The following AVL9 variants were observed in gnomAD, a reference collection of about 807,000 sequenced individuals.
AVL9 encodes late secretory pathway protein AVL9 homolog.
Under a neutral mutation model 79.2 loss-of-function variants are expected in AVL9, and 49 were observed. The observed-to-expected ratio is 0.62, with a 90% CI of 0.49 to 0.79. The LOEUF (loss-of-function observed/expected upper bound fraction) is 0.79, where lower values mean the gene tolerates loss of function less well. Ranked by LOEUF, AVL9 falls within the 30% of genes least tolerant of loss-of-function variation. The pLI is 0.00. For synonymous variants in AVL9, 299 were observed against 280.6 expected (o/e 1.07, Z -0.65); for missense variants, 682 against 776.8 (o/e 0.88, Z 1.45).
intron 1 of AVL9, among the ~76,000 whole-genome samples, chr7:32,507,341 G>A (rs1050345851): frequency 6.6e-6 from 1 of 151,996 alleles, no homozygotes; most frequent in African/African-American, 2.4e-5. Context: ...ACAATTGTGT[G>A]TAATTACCTC....
chr7:32,579,592 ATAT>A (rs373675594), intron 13 of AVL9, among the ~76,000 whole-genome samples: 1 of 40,320 alleles, frequency 2.5e-5, no homozygotes, highest in South Asian at 6.9e-4. Context: ...TATATATTAT[ATAT>A]TATATATTAT....
rs149541266 is a variant in AVL9, at chr7:32,583,810, C to G, written c.1850C>G (p.Ala617Gly). 1 of 1,613,716 alleles carries G rather than the reference C, an allele frequency of 6.2e-7. No homozygotes were observed. The highest frequency in any genetic ancestry group is 1.1e-5 in the South Asian group (1 of 91,036). ...CATCCAGGCCAGTCAGTTGGAGGAG[C>G]TTTTTCCAGTGCAAAGACAGCTATG... Reference protein sequence around the residue: ...GKAVGQSVGGAFSSAKTAMSS... With the variant: ...GKAVGQSVGGGFSSAKTAMSS... The change falls in exon 16 of 16, where the codon GCT becomes GGT. Residue 617 changes from alanine to glycine, a missense_variant. Ala to Gly is a moderately conservative substitution (Grantham distance 60). Transcript: ENST00000318709.
intron 12 of AVL9, among the ~76,000 whole-genome samples, chr7:32,574,143 A>G (rs1217507485): frequency 6.6e-6 from 1 of 152,186 alleles, no homozygotes; most frequent in Non-Finnish European, 1.5e-5. Flanking sequence ...GTGATGAAAT[A>G]CACATAGCAT....
intron 4 of AVL9, among the ~76,000 whole-genome samples, chr7:32,550,009 T>G (rs1789738447): frequency 6.6e-6 from 1 of 152,160 alleles, no homozygotes; most frequent in Non-Finnish European, 1.5e-5. Context: ...ATTCATCTGA[T>G]TCCTGTACAC....
intron 1 of AVL9, among the ~76,000 whole-genome samples, chr7:32,499,383 G>A (rs1264411608): frequency 2.0e-5 from 3 of 150,568 alleles, no homozygotes; most frequent in Admixed American, 2.0e-4. Context: ...AAACAGGTTA[G>A]AACTTTTTTA....
intron 1 of AVL9, among the ~76,000 whole-genome samples, chr7:32,498,678 C>T (rs1468115853): frequency 2.0e-5 from 3 of 148,434 alleles, no homozygotes; most frequent in Non-Finnish European, 3.0e-5. Context: ...GTGTTAGCTT[C>T]TAGATGTCAT....
At chr7:32,576,584 G>A (rs553398220) in intron 13 of AVL9, among the ~76,000 whole-genome samples, 2 of 152,116 alleles carry the variant, frequency 1.3e-5, no homozygotes, top group East Asian at 3.9e-4. Flanking sequence ...GGGAGTTCAA[G>A]ACCAGCCTGG....
chr7:32,562,552 TCA>T (rs772069590), intron 10 of AVL9: 16 of 838,312 alleles, frequency 1.9e-5, no homozygotes, highest in Non-Finnish European at 2.0e-5. Flanking sequence ...AATCTTTAAT[TCA>T]CAGTCTTTTC....
chr7:32,553,932 C>T (rs1316120465), intron 7 of AVL9, among the ~76,000 whole-genome samples, 165 bp downstream of exon 7: 1 of 152,094 alleles, frequency 6.6e-6, no homozygotes, highest in African/African-American at 2.4e-5. Context: ...TATAACTATA[C>T]AAAATTAAAA....
chr7:32,496,934 C>T (rs1235293976), intron 1 of AVL9, among the ~76,000 whole-genome samples: 1 of 152,172 alleles, frequency 6.6e-6, no homozygotes, highest in Admixed American at 6.5e-5. Context: ...AACACTGTCT[C>T]CACAAAAAAA....
intron 4 of AVL9, 87 bp from the exon 5 acceptor site, chr7:32,551,247 G>C (rs1327641472): frequency 1.2e-6 from 1 of 826,136 alleles, no homozygotes; most frequent in African/African-American, 1.7e-5. Context: ...AAAAGTTGTG[G>C]GGTTCTGTTT....
intron 10 of AVL9, among the ~76,000 whole-genome samples, 162 bp downstream of exon 10, chr7:32,559,626 T>C (rs1295314147): frequency 6.6e-6 from 1 of 152,162 alleles, no homozygotes; most frequent in Non-Finnish European, 1.5e-5. Flanking sequence ...TCCGTGACCA[T>C]AGTATAAGTC....
intron 1 of AVL9, among the ~76,000 whole-genome samples, chr7:32,513,248 C>G (rs1280732939): frequency 6.6e-6 from 1 of 152,144 alleles, no homozygotes; most frequent in Non-Finnish European, 1.5e-5. Context: ...CCAATGGATT[C>G]CCTCCTCAGC....
Position 32,499,026 on chromosome 7 carries a change from G to GGC in AVL9, c.93+3225_93+3226insCG, listed in dbSNP as rs1295392022. ...TAAAAATACAAAATTAGCTGCGCGT[G>GGC]GTGGCACATGCCTGTGATCCCAGCT... On this transcript the variant is annotated intron_variant, in intron 1 of 15. Transcript: ENST00000318709. Among the ~76,000 whole-genome samples the GGC allele has an allele frequency of 3.5e-4, 40 of 113,490 alleles. 6 individuals carry two copies. Among genetic ancestry groups the GGC allele is most frequent in the African/African-American group, 1.3e-3 (36 of 28,648 alleles). The allele number at this position is 113,490 out of a possible 152,430, so 74.5% of individuals were successfully genotyped here.
intron 1 of AVL9, among the ~76,000 whole-genome samples, chr7:32,519,557 C>G (rs1224837695): frequency 6.6e-6 from 1 of 152,080 alleles, no homozygotes; most frequent in Non-Finnish European, 1.5e-5. Flanking sequence ...TCAAAATTCT[C>G]TGCAATAGTT....
intron 10 of AVL9, among the ~76,000 whole-genome samples, chr7:32,561,573 A>T (rs1790334750): frequency 6.6e-6 from 1 of 152,222 alleles, no homozygotes; most frequent in Admixed American, 6.5e-5. Context: ...GACCACTCAA[A>T]CTTTCTGCAT....
intron 1 of AVL9, chr7:32,537,458 GTTTTTTTTTTTTTT>G (rs61499262): frequency 2.4e-5 from 2 of 82,106 alleles, no homozygotes; most frequent in Admixed American, 1.5e-4. Flanking sequence ...TTAGAAAGGA[GTTTTTTTTTTTTTT>G]TTTTTTTTTT....
At chr7:32,526,471 A>AAAATCCT (rs1788404547) in intron 1 of AVL9, among the ~76,000 whole-genome samples, 1 of 152,176 alleles carries the variant, frequency 6.6e-6, no homozygotes, top group African/African-American at 2.4e-5. Context: ...GGACCTCTCA[A>AAAATCCT]AAATCCTGAG....
Position 32,561,671 on chromosome 7 carries a change from T to C in AVL9, c.1215+2207T>C, listed in dbSNP as rs556981720. On this transcript the variant is annotated intron_variant, in intron 10 of 15. Transcript: ENST00000318709. ...AAACAAAACAAAAACAAAAACACTT[T>C]TAGTAGCACTTTTAATTTCCTTCAA... 5.4e-5 allele frequency among the ~76,000 whole-genome samples: 8 copies of C among 148,500 alleles called. No homozygotes were observed. The South Asian group carries it at 1.7e-3, about 31-fold the overall frequency.
Sources: gnomAD v4.1 joint callset for allele counts (sites outside exome capture counted in the v4.1 genomes callset) on GRCh38, gnomAD v4.1.1 for gene constraint, MANE v1.5 for transcripts, NCBI Gene and HGNC (gene_info 2026-07-23, HGNC 2026-07-21) for gene names.